Variants in MDN1 observed in about 807,000 individuals in gnomAD.
The protein encoded by MDN1 is midasin.
MDN1 carries 266 observed loss-of-function variants against 669.2 expected under a neutral mutation model. That is an observed-to-expected ratio of 0.40 (90% CI 0.36 to 0.44). The LOEUF (loss-of-function observed/expected upper bound fraction) is 0.44. MDN1 is among the 20% of genes least tolerant of loss of function. The pLI, the probability that MDN1 is intolerant of heterozygous loss-of-function variation, is 1.00. For synonymous variants in MDN1, 2,385 were observed against 2,457.1 expected, an observed-to-expected ratio of 0.97 and a Z score of 0.87; for missense variants, 5,940 against 6,754.0, an observed-to-expected ratio of 0.88 and a Z score of 4.22.
intron 20 of MDN1, among the ~76,000 whole-genome samples, chr6:89,755,384 A>T (rs929872133): frequency 6.6e-6 from 1 of 150,894 alleles, no homozygotes; most frequent in Non-Finnish European, 1.5e-5. Context: ...GTATCCAAAA[A>T]AAAAAAAAAA....
intron 95 of MDN1, among the ~76,000 whole-genome samples, chr6:89,651,582 C>T (rs1562034429): frequency 6.6e-6 from 1 of 152,126 alleles, no homozygotes; most frequent in East Asian, 1.9e-4. Context: ...CGCCACTGCA[C>T]TCCAGCCGGG....
chr6:89,806,825 G>C (rs1004198892), intron 1 of MDN1, among the ~76,000 whole-genome samples: 1 of 151,692 alleles, frequency 6.6e-6, no homozygotes, highest in African/African-American at 2.4e-5. Flanking sequence ...AGAGTGAGGA[G>C]AGGATCACCT....
intron 30 of MDN1, 80 bp downstream of exon 30, chr6:89,743,496 C>T: frequency 1.3e-6 from 2 of 1,509,700 alleles, no homozygotes; most frequent in South Asian, 2.5e-5. Flanking sequence ...CAGAACCCAG[C>T]TCCAGAAACC....
chr6:89,654,626 G>A (rs1338022792), intron 92 of MDN1, among the ~76,000 whole-genome samples: 2 of 152,000 alleles, frequency 1.3e-5, no homozygotes, highest in African/African-American at 2.4e-5. Context: ...AAAGTACACC[G>A]TCAAATGCTC....
intron 83 of MDN1, among the ~76,000 whole-genome samples, chr6:89,670,131 C>T (rs1272147290): frequency 1.1e-5 from 1 of 88,084 alleles, no homozygotes; most frequent in African/African-American, 5.1e-5. Flanking sequence ...ACTCTGTCTC[C>T]AAAAAAACAT....
At chr6:89,743,395 T>C in intron 30 of MDN1, 115 bp from the exon 31 acceptor site, 1 of 1,426,840 alleles carries the variant, frequency 7.0e-7, no homozygotes, top group South Asian at 1.3e-5. Flanking sequence ...AGTAAGAATC[T>C]GAGAACAGGA....
At chr6:89,665,616 A>G (rs1009498035) in intron 84 of MDN1, among the ~76,000 whole-genome samples, 1 of 148,408 alleles carries the variant, frequency 6.7e-6, no homozygotes, top group Non-Finnish European at 1.5e-5. Context: ...CTGAGGCGGG[A>G]TAACTGCTTG....
Position 89,658,629 on chromosome 6 carries a change from T to A in MDN1, c.15002A>T (p.Asp5001Val), listed in dbSNP as rs146605294. The A allele has an allele frequency of 1.2e-4, 195 of 1,607,752 alleles. No homozygotes were observed. The African/African-American group carries it at 2.3e-3, about 19-fold the overall frequency. ...TGATACCTGGGGCTGGAAACCTTGGTCAGCAGGGCCATTCTCTCCACCTTC... is the reference window on the plus strand; with the variant it reads ...TGATACCTGGGGCTGGAAACCTTGGACAGCAGGGCCATTCTCTCCACCTTC... The part of the protein sequence containing the change: ...DEEGGENGPA[D>V]QGFQPQEEEE... The change falls in exon 89 of 102, where the codon GAC becomes GTC. Residue 5001 changes from aspartate to valine, a missense_variant. By Grantham distance (152) the Asp-to-Val change is radical. Coordinates refer to ENST00000369393, the MANE Select transcript of MDN1 (RefSeq NM_014611.3).
At chr6:89,675,281 T>C in intron 78 of MDN1, 183 bp downstream of exon 78, 1 of 583,770 alleles carries the variant, frequency 1.7e-6, no homozygotes, top group Non-Finnish European at 3.0e-6. Context: ...AGAGGGACAC[T>C]AGAGGCATAT....
intron 27 of MDN1, 57 bp from the exon 28 acceptor site, chr6:89,745,683 C>T: frequency 1.3e-6 from 2 of 1,531,784 alleles, no homozygotes; most frequent in South Asian, 2.3e-5. Flanking sequence ...ACCGGGAACA[C>T]CAAGGGATAT....
chr6:89,811,374 A>G (rs1768402510), intron 1 of MDN1, among the ~76,000 whole-genome samples: 1 of 152,046 alleles, frequency 6.6e-6, no homozygotes. Flanking sequence ...ATCTTTGACC[A>G]TGTCAGCTGG....
intron 1 of MDN1, among the ~76,000 whole-genome samples, chr6:89,816,607 C>G (rs926764015): frequency 1.3e-5 from 2 of 151,526 alleles, no homozygotes; most frequent in Non-Finnish European, 2.9e-5. Flanking sequence ...GCAATCTGTT[C>G]TCTCTGAAAC....
At chr6:89,750,033 C>T (rs1169170930) in intron 24 of MDN1, among the ~76,000 whole-genome samples, 4 of 152,136 alleles carry the variant, frequency 2.6e-5, no homozygotes, top group Non-Finnish European at 5.9e-5. Context: ...TTTAAATCAC[C>T]ACATTCTGTT....
In MDN1 at chr6:89,699,757, G is replaced by C. The variant is rs776595736; in HGVS notation, c.8871-30C>G. On this transcript the variant is annotated intron_variant, in intron 57 of 101. Transcript: ENST00000369393. ...TCCAAAAATAAAGAGGGAGAGGGTG[G>C]GGTATGGACTATCAATGAACTACTG... 6.2e-6 allele frequency: 10 copies of C among 1,610,332 alleles called. No individual in the cohort carries two copies. In the Middle Eastern group the frequency reaches 1.2e-3, roughly 186 times the overall value.
chr6:89,819,023 T>G (rs1193395094), intron 1 of MDN1, among the ~76,000 whole-genome samples: 2 of 152,136 alleles, frequency 1.3e-5, no homozygotes, highest in Non-Finnish European at 2.9e-5. Context: ...ATGGCAGAGA[T>G]CGTAACGAAT....
rs1393478906 is a variant in MDN1, at chr6:89,732,721, T to C, written c.4778A>G (p.Glu1593Gly). The change falls in exon 34 of 102, where the codon GAG (glutamate) becomes GGG (glycine). Residue 1593 changes from glutamate (E) to glycine (G), a missense_variant. Around this residue, in one of 5 missense-constraint regions of MDN1, gnomAD observed 2,292 missense variants for 2,638.3 expected, o/e 0.87. Transcript: ENST00000369393. ...LDFIDWLTHQ[E>G]FGRKCVVSIR... ...ACTGACCACACACTTTCTGCCAAAC[T>C]CTTGGTGGGTCAGCCAGTCAATGAA... The C allele has an allele frequency of 1.9e-6, 3 of 1,614,040 alleles. No homozygotes were observed. The Admixed American group carries it at 5.0e-5, about 27-fold the overall frequency.
intron 2 of MDN1, chr6:89,797,492 G>T: frequency 4.1e-6 from 1 of 244,706 alleles, no homozygotes; most frequent in Non-Finnish European, 8.2e-6. Context: ...AAAGGTATGT[G>T]GTTGTTGGCT....
In MDN1 at chr6:89,649,966, T is replaced by C. The variant is rs1808735184; in HGVS notation, c.16206+58A>G. On this transcript the variant is annotated intron_variant, in intron 97 of 101. Coordinates refer to ENST00000369393, the MANE Select transcript of MDN1 (RefSeq NM_014611.3). ...ATATTTAAAGCATTTTGGTGGCCCA[T>C]GGAACATAGCTTGATGTTAATTTCC... 6 of 1,576,660 alleles carry C rather than the reference T, an allele frequency of 3.8e-6. No homozygotes were observed. The South Asian group carries it at 4.4e-5, about 12-fold the overall frequency.
intron 34 of MDN1, 34 bp from the exon 35 acceptor site, chr6:89,730,957 G>A: frequency 1.3e-6 from 2 of 1,573,898 alleles, no homozygotes; most frequent in Non-Finnish European, 8.7e-7. Context: ...TGAAGCAACA[G>A]TACAACACCA....
Sources: gnomAD v4.1 joint callset for allele counts (sites outside exome capture counted in the v4.1 genomes callset) on GRCh38, gnomAD v4.1.1 for gene constraint, gnomAD v4.1.1 regional missense constraint, MANE v1.5 for transcripts, NCBI Gene and HGNC (gene_info 2026-07-23, HGNC 2026-07-21) for gene names.